The following DOK2 variants were observed in gnomAD, a reference collection of about 807,000 sequenced individuals.
DOK2 encodes docking protein 2, also known as docking protein 2, 56kD.
Under a neutral mutation model 26.0 loss-of-function variants are expected in DOK2, and 28 were observed. That is an observed-to-expected ratio of 1.08 (90% CI 0.80 to 1.48). DOK2 has a LOEUF of 1.48. DOK2 is among the 40% of genes most tolerant of loss of function. The pLI is 0.00. For synonymous variants in DOK2, 282 were observed against 236.9 expected (o/e 1.19, Z -1.75); for missense variants, 682 against 558.2 (o/e 1.22, Z -2.23).
rs1363407859 is a variant in DOK2 at position 21,909,696 on chromosome 8, G to A, written c.854C>T (p.Thr285Ile). 2 of 1,613,220 alleles carry A rather than the reference G, an allele frequency of 1.2e-6. No homozygotes were observed. Among genetic ancestry groups the A allele is most frequent in the East Asian group, 2.2e-5 (1 of 44,900 alleles). Reference protein sequence around the residue: ...HDSLPPPSPTTPVPAPRPRGQ... With the variant: ...HDSLPPPSPTIPVPAPRPRGQ... ...CCGAGGCCGTGGAGCAGGCACCGGT[G>A]TGGTGGGTGAAGGCGGCGGCAGTGA... The change falls in exon 5 of 5, where the codon ACA becomes ATA. Residue 285 changes from threonine (T) to isoleucine (I), a missense_variant. Coordinates refer to ENST00000276420, the MANE Select transcript of DOK2 (RefSeq NM_003974.4).
At chr8:21,913,509 T>C in intron 1 of DOK2, 30 bp downstream of exon 1, 1 of 1,613,424 alleles carries the variant, frequency 6.2e-7, no homozygotes, top group South Asian at 1.1e-5. Context: ...CCAGGCCCCC[T>C]GCCCAACCCC....
rs372882463 is a variant in DOK2 at position 21,912,422 on chromosome 8, C to A, written c.152G>T (p.Arg51Leu). 21 of 1,581,804 alleles carry A rather than the reference C, an allele frequency of 1.3e-5. No individual in the cohort carries two copies. Among genetic ancestry groups the A allele is most frequent in the Non-Finnish European group, 1.8e-5 (21 of 1,165,892 alleles). ...GACCTTCCGGGCAGCCTCACACCGACGAGGCTTCTCCGGGCCCTCCTGCAG... is the reference window on the plus strand; with the variant it reads ...GACCTTCCGGGCAGCCTCACACCGAAGAGGCTTCTCCGGGCCCTCCTGCAG... ...LELQEGPEKP[R>L]RCEAARKVIR... The change falls in exon 2 of 5, where the codon CGT becomes CTT. Residue 51 changes from arginine to leucine, a missense_variant. Transcript: ENST00000276420.
chr8:21,911,614 T>C (rs1159080416), intron 3 of DOK2, among the ~76,000 whole-genome samples: 6 of 151,890 alleles, frequency 4.0e-5, no homozygotes, highest in Admixed American at 2.0e-4. Flanking sequence ...GTCTCAAAAA[T>C]AGAAAAAAGC....
At chr8:21,910,511 A>C (rs1809799129) in intron 4 of DOK2, among the ~76,000 whole-genome samples, 162 bp downstream of exon 4, 1 of 151,648 alleles carries the variant, frequency 6.6e-6, no homozygotes, top group East Asian at 1.9e-4. Flanking sequence ...ACCTCTTCTC[A>C]TTCTCCTTCC....
chr8:21,910,648 T>C (rs1346403673), intron 4 of DOK2, 25 bp downstream of exon 4: 4 of 1,613,112 alleles, frequency 2.5e-6, no homozygotes, highest in Admixed American at 1.7e-5. Flanking sequence ...TCTCTCAACC[T>C]GCCCTGATGC....
At position 21,909,601 on chromosome 8, in the gene DOK2, T is replaced by C; in HGVS notation, c.949A>G (p.Ile317Val). The stretch of plus-strand genomic sequence containing the variant: ...AGGAGCTGAGGAGGGACTGCCAAGA[T>C]GCCCCTGAAGTTCTTCCCCAAGGAA... ...ARSLGKNFRG[I>V]LAVPPQLLAD... is the part of the protein sequence containing the mutation. Residue 317 changes from isoleucine (I) to valine (V), a missense_variant, in exon 5 of 5, where the codon ATC becomes GTC. Physicochemically the swap from Ile to Val is conservative, Grantham distance 29. Coordinates refer to ENST00000276420, the MANE Select transcript of DOK2 (RefSeq NM_003974.4). 1.2e-6 allele frequency: 2 copies of C among 1,613,934 alleles called. No homozygotes were observed. The highest frequency in any genetic ancestry group is 1.7e-6 in the Non-Finnish European group (2 of 1,180,028).
Position 21,909,606 on chromosome 8 carries a change from C to A in DOK2, c.944G>T (p.Arg315Met), listed in dbSNP as rs775492797. 2.5e-6 allele frequency: 4 copies of A among 1,613,932 alleles called. No individual in the cohort carries two copies. The highest frequency in any genetic ancestry group is 1.7e-6 in the Non-Finnish European group (2 of 1,180,044). ...AVARSLGKNF[R>M]GILAVPPQLL... ...CTGAGGAGGGACTGCCAAGATGCCCCTGAAGTTCTTCCCCAAGGAACGGGC... is the reference window on the plus strand; with the variant it reads ...CTGAGGAGGGACTGCCAAGATGCCCATGAAGTTCTTCCCCAAGGAACGGGC... Residue 315 changes from arginine to methionine, a missense_variant, in exon 5 of 5, where the codon AGG becomes ATG. Arg to Met is a moderately conservative substitution (Grantham distance 91). Transcript: ENST00000276420.
At chr8:21,912,916 A>ATTCTC (rs1250529368) in intron 1 of DOK2, among the ~76,000 whole-genome samples, 1 of 152,186 alleles carries the variant, frequency 6.6e-6, no homozygotes, top group Admixed American at 6.5e-5. Flanking sequence ...TGGAGACCTC[A>ATTCTC]TTCTCCTTCT....
intron 3 of DOK2, 110 bp from the exon 4 acceptor site, chr8:21,910,967 A>G: frequency 8.0e-7 from 1 of 1,246,478 alleles, no homozygotes; most frequent in Non-Finnish European, 1.1e-6. Context: ...AGAAAGTATT[A>G]TCCACACACT....
rs2117200386 is a variant in DOK2 at position 21,909,457 on chromosome 8, C to A, written c.1093G>T (p.Gly365Cys). The A allele has an allele frequency of 1.2e-6, 2 of 1,613,580 alleles. No homozygotes were observed. The highest frequency in any genetic ancestry group is 4.5e-5 in the East Asian group (2 of 44,862). Residue 365 changes from glycine to cysteine, a missense_variant, in exon 5 of 5, where the codon GGT becomes TGT. By Grantham distance (159) the Gly-to-Cys change is radical (BLOSUM62 -3). Transcript: ENST00000276420. ...SLYDSPQEPR[G>C]EAWRRQATAD... ...GTCGCCTGCCTCCTCCATGCCTCAC[C>A]CCGGGGCTCCTGCGGGCTGTCATAG...
chr8:21,910,202 G>C (rs958483773), intron 4 of DOK2, among the ~76,000 whole-genome samples: 1 of 151,978 alleles, frequency 6.6e-6, no homozygotes, highest in Non-Finnish European at 1.5e-5. Context: ...GGATGGTCTC[G>C]ATCTCTTGAC....
intron 1 of DOK2, 39 bp from the exon 2 acceptor site, chr8:21,912,549 C>G (rs1294844458): frequency 1.4e-6 from 2 of 1,459,442 alleles, no homozygotes; most frequent in African/African-American, 2.8e-5. Context: ...GGGAGGGAGC[C>G]ACCCAGAGAC....
chr8:21,911,927 T>C lies in DOK2; in HGVS notation c.407A>G (p.Asn136Ser), dbSNP rs766844329. 17 of 1,563,382 alleles carry C rather than the reference T, an allele frequency of 1.1e-5. No homozygotes were observed. The highest frequency in any genetic ancestry group is 1.3e-5 in the Non-Finnish European group (15 of 1,153,718). Residue 136 changes from asparagine to serine, a missense_variant, in exon 3 of 5, where the codon AAT (asparagine) becomes AGT (serine). Coordinates refer to ENST00000276420, the MANE Select transcript of DOK2 (RefSeq NM_003974.4). The part of the protein sequence containing the change: ...GKQSRPCMEE[N>S]ELYSSAVTVG... ...TGTGACTGCGCTGCTGTACAATTCA[T>C]TTTCCTCCATGCAGGGCCGGCTCTG...
At chr8:21,911,798 G>A in intron 3 of DOK2, 103 bp downstream of exon 3, 1 of 1,286,276 alleles carries the variant, frequency 7.8e-7, no homozygotes. Context: ...ATAACCACAA[G>A]GCAGGAAGAC....
chr8:21,912,328 A>T lies in DOK2; in HGVS notation c.246T>A (p.Ser82Arg). ...GGEASSPRDTSAFFLETKERL... is the reference protein window; with the variant it reads ...GGEASSPRDTRAFFLETKERL... ...GCTCCTTGGTCTCCAGGAAGAAGGCACTGGTGTCCCGGGGGCTGCTGGCCT... is the reference window on the plus strand; with the variant it reads ...GCTCCTTGGTCTCCAGGAAGAAGGCTCTGGTGTCCCGGGGGCTGCTGGCCT... The change falls in exon 2 of 5, where the codon AGT becomes AGA. Residue 82 changes from serine (S) to arginine (R), a missense_variant. Transcript: ENST00000276420. 6.2e-7 allele frequency: 1 copy of T among 1,607,380 alleles called. No individual in the cohort carries two copies. The highest frequency in any genetic ancestry group is 8.5e-7 in the Non-Finnish European group (1 of 1,178,386).
chr8:21,911,954 T>C lies in DOK2; in HGVS notation c.380A>G (p.Lys127Arg). The change falls in exon 3 of 5, where the codon AAG (lysine) becomes AGG (arginine). Residue 127 changes from lysine to arginine, a missense_variant. Coordinates refer to ENST00000276420, the MANE Select transcript of DOK2 (RefSeq NM_003974.4). Reference sequence around the variant, plus strand: ...TTCCTCCATGCAGGGCCGGCTCTGCTTTCCCTCTGGCCCCGAGAGCTCCTT... The same window carrying C: ...TTCCTCCATGCAGGGCCGGCTCTGCCTTCCCTCTGGCCCCGAGAGCTCCTT... ...QRKELSGPEGKQSRPCMEENE... is the reference protein window; with the variant it reads ...QRKELSGPEGRQSRPCMEENE... 2 of 1,560,492 alleles carry C rather than the reference T, an allele frequency of 1.3e-6. No homozygotes were observed. Among genetic ancestry groups the C allele is most frequent in the Non-Finnish European group, 1.7e-6 (2 of 1,152,242 alleles).
intron 3 of DOK2, among the ~76,000 whole-genome samples, chr8:21,911,478 G>A (rs1056411431): frequency 6.6e-6 from 1 of 152,142 alleles, no homozygotes; most frequent in African/African-American, 2.4e-5. Flanking sequence ...CGTGGTGGCC[G>A]ACGCCTGTAA....
chr8:21,912,455 C>A lies in DOK2; in HGVS notation c.119G>T (p.Arg40Leu). The A allele has an allele frequency of 6.4e-7, 1 of 1,564,518 alleles. No homozygotes were observed. The change falls in exon 2 of 5, where the codon CGG becomes CTG. Residue 40 changes from arginine to leucine, a missense_variant. By Grantham distance (102) the Arg-to-Leu change is moderately radical. Coordinates refer to ENST00000276420, the MANE Select transcript of DOK2 (RefSeq NM_003974.4). ...CTCCGGGCCCTCCTGCAGCTCCAGC[C>A]GGGCCAAGGCGCAGTCCGACCCTCC... ...LYGGSDCALA[R>L]LELQEGPEKP... is the part of the protein sequence containing the mutation.
chr8:21,910,936 T>C, intron 3 of DOK2, 79 bp from the exon 4 acceptor site: 1 of 1,446,232 alleles, frequency 6.9e-7, no homozygotes, highest in East Asian at 2.3e-5. Context: ...CAGTTCTAAA[T>C]GAGCGTACCA....
Sources: gnomAD v4.1 joint callset for allele counts (sites outside exome capture counted in the v4.1 genomes callset) on GRCh38, gnomAD v4.1.1 for gene constraint, MANE v1.5 for transcripts, NCBI Gene and HGNC (gene_info 2026-07-23, HGNC 2026-07-21) for gene names.